The following NOC4L variants were observed in gnomAD, a reference collection of about 807,000 sequenced individuals.
NOC4L encodes the protein nucleolar complex protein 4 homolog.
In NOC4L, 40 loss-of-function variants were observed where a neutral mutation model predicts 62.8. That is an observed-to-expected ratio of 0.64 (90% CI 0.49 to 0.83). NOC4L has a LOEUF of 0.83. Among genes scored for constraint, NOC4L ranks in the 40% least tolerant of loss-of-function variants. The pLI is 0.00. For synonymous variants in NOC4L, 433 were observed against 299.8 expected, an observed-to-expected ratio of 1.44 and a Z score of -4.59; for missense variants, 927 against 701.9, an observed-to-expected ratio of 1.32 and a Z score of -3.62.
chr12:132,147,452 G>C (rs540230658), intron 4 of NOC4L, 64 bp downstream of exon 4: 7 of 1,490,740 alleles, frequency 4.7e-6, no homozygotes, highest in Admixed American at 4.0e-5. Flanking sequence ...GGATGGCCCC[G>C]TAGTGGGGGC....
At chr12:132,147,457 G>T in intron 4 of NOC4L, 69 bp downstream of exon 4, 1 of 1,468,508 alleles carries the variant, frequency 6.8e-7, no homozygotes, top group Non-Finnish European at 9.3e-7. Flanking sequence ...GCCCCGTAGT[G>T]GGGGCGGGGC....
chr12:132,150,910 A>G (rs988790209), intron 9 of NOC4L, 71 bp from the exon 10 acceptor site: 1 of 1,145,790 alleles, frequency 8.7e-7, no homozygotes, highest in Non-Finnish European at 1.3e-6. Flanking sequence ...ACAGACTTAC[A>G]CTCAGTGTGG....
chr12:132,151,186 T>G, intron 10 of NOC4L, 72 bp from the exon 11 acceptor site: 4 of 1,456,986 alleles, frequency 2.7e-6, no homozygotes, highest in Non-Finnish European at 3.8e-6. Context: ...GGGCGCCGAG[T>G]GAGACCCTGG....
chr12:132,145,786 G>C, intron 3 of NOC4L, 121 bp downstream of exon 3: 3 of 654,960 alleles, frequency 4.6e-6, no homozygotes, highest in Admixed American at 2.7e-5. Context: ...CTTCATGGGA[G>C]CATCACCCTG....
At position 132,152,122 on chromosome 12, in the gene NOC4L, C is replaced by T. The variant is rs541204285; in HGVS notation, c.1356C>T (p.Ala452=). 8.7e-5 allele frequency: 141 copies of T among 1,612,376 alleles called. No homozygotes were observed. The South Asian group carries it at 1.4e-3, about 17-fold the overall frequency. The change falls in exon 14 of 15, where the codon GCC becomes GCT. Residue 452 remains alanine (A), a synonymous_variant. Transcript: ENST00000330579. ...ACTACCACCCTGAGGTGTCCAAAGC[C>T]GCCAGCGTCATCAACCAGGCCCTGT... ...QRHYHPEVSK[A]ASVINQALSM...
At chr12:132,148,939 G>T (rs558409781) in intron 9 of NOC4L, 44 bp downstream of exon 9, 7 of 476,140 alleles carry the variant, frequency 1.5e-5, no homozygotes, top group African/African-American at 1.2e-4. Context: ...TAATCCCCTC[G>T]GTGAGTGCCG....
At chr12:132,151,435 G>C in intron 11 of NOC4L, 49 bp from the exon 12 acceptor site, 1 of 1,600,928 alleles carries the variant, frequency 6.2e-7, no homozygotes, top group Non-Finnish European at 8.5e-7. Context: ...GGGGAGGGTG[G>C]TGGGGGCTAG....
At chr12:132,145,277 C>T (rs1449590361) in intron 2 of NOC4L, among the ~76,000 whole-genome samples, 1 of 152,198 alleles carries the variant, frequency 6.6e-6, no homozygotes, top group Non-Finnish European at 1.5e-5. Context: ...TTTATGTCCC[C>T]ATCCTGGGGA....
At chr12:132,151,867 G>C in intron 13 of NOC4L, 47 bp downstream of exon 13, 1 of 1,574,184 alleles carries the variant, frequency 6.4e-7, no homozygotes, top group South Asian at 1.1e-5. Context: ...GCCATCCTTC[G>C]GCCCCTCAGA....
Position 132,148,907 on chromosome 12 carries a change from C to A in NOC4L, c.901+12C>A. The A allele has an allele frequency of 2.4e-6, 3 of 1,252,798 alleles. No homozygotes were observed. The highest frequency in any genetic ancestry group is 3.2e-6 in the Non-Finnish European group (3 of 935,076). 77.6% of individuals were successfully genotyped at this position (1,252,798 alleles called of 1,614,324 possible). On this transcript the variant is annotated intron_variant, in intron 9 of 14. Transcript: ENST00000330579. ...CGCCTGCGACCTCGGTGAGTGCCGC[C>A]GCCTCGCTCACACCACACCCCTAAT...
Position 132,144,572 on chromosome 12 carries a change from C to G in NOC4L, c.84C>G (p.Ala28=), listed in dbSNP as rs765313291. 2.6e-6 allele frequency: 4 copies of G among 1,524,216 alleles called. No individual in the cohort carries two copies. In the South Asian group the frequency reaches 4.8e-5, roughly 18 times the overall value. 94.4% of individuals were successfully genotyped at this position (1,524,216 alleles called of 1,614,324 possible). A position where few individuals can be genotyped will look rare whatever the true frequency, so the allele number is the denominator to read the frequency against. Residue 28 remains alanine, a synonymous_variant, in exon 1 of 15, where the codon GCC becomes GCG. Coordinates refer to ENST00000330579, the MANE Select transcript of NOC4L (RefSeq NM_024078.3). Reference sequence around the variant, plus strand: ...CGGTGCTGGCGAGCCGCAGTGAGGCCAACGCCGTGTTCGACATCCTGGCCG... The same window carrying G: ...CGGTGCTGGCGAGCCGCAGTGAGGCGAACGCCGTGTTCGACATCCTGGCCG... The part of the protein sequence containing the change: ...LEAVLASRSE[A]NAVFDILAVL...
chr12:132,144,474 C>G lies in NOC4L; in HGVS notation c.-15C>G, dbSNP rs1384016748. The G allele has an allele frequency of 6.6e-7, 1 of 1,509,108 alleles. No individual in the cohort carries two copies. The allele number at this position is 1,509,108 out of a possible 1,614,324, so 93.5% of individuals were successfully genotyped here. The stretch of plus-strand genomic sequence containing the variant: ...CGGCGGCTGAGAATCCGCGTTGTTC[C>G]GTGTTGGGGGCGGCATGGAGCGGGA... On this transcript the variant is annotated 5_prime_UTR_variant, in exon 1 of 15. Coordinates refer to ENST00000330579, the MANE Select transcript of NOC4L (RefSeq NM_024078.3).
intron 3 of NOC4L, chr12:132,146,354 G>C (rs539097412): frequency 4.4e-6 from 2 of 455,556 alleles, no homozygotes; most frequent in Admixed American, 4.7e-5. Flanking sequence ...AGCACGTATC[G>C]TTCAGCCGCT....
intron 9 of NOC4L, 147 bp from the exon 10 acceptor site, chr12:132,150,834 T>A: frequency 1.6e-6 from 1 of 620,146 alleles, no homozygotes; most frequent in African/African-American, 1.8e-5. Flanking sequence ...CTGCCCTGCA[T>A]GTGGTCTCCA....
At chr12:132,146,422 G>C (rs1593427084) in intron 3 of NOC4L, 1 of 444,366 alleles carries the variant, frequency 2.3e-6, no homozygotes, top group East Asian at 7.1e-5. Context: ...ACAGCGGACT[G>C]TGAACGTTCG....
intron 3 of NOC4L, 123 bp downstream of exon 3, chr12:132,145,788 A>G (rs2136685814): frequency 4.6e-6 from 3 of 652,680 alleles, no homozygotes; most frequent in Admixed American, 2.7e-5. Context: ...TCATGGGAGC[A>G]TCACCCTGTG....
At position 132,147,755 on chromosome 12, in the gene NOC4L, G is replaced by T. The variant is rs1479333668; in HGVS notation, c.576G>T (p.Val192=). Residue 192 remains valine (V), a synonymous_variant, in exon 5 of 15, where the codon GTG becomes GTT. Transcript: ENST00000330579. Reference sequence around the variant, plus strand: ...CCATGCAGGCAGCCGTGGATGCCGTGGCCCGGGTCACTGGCCAGCACCCCG... The same window carrying T: ...CCATGCAGGCAGCCGTGGATGCCGTTGCCCGGGTCACTGGCCAGCACCCCG... ...YHTMQAAVDA[V]ARVTGQHPEV... 1.2e-6 allele frequency: 2 copies of T among 1,612,774 alleles called. No homozygotes were observed.
rs112315804 is a variant in NOC4L at position 132,146,470 on chromosome 12, A to G, written c.345+805A>G. 450 of 417,194 alleles carry G rather than the reference A, an allele frequency of 1.1e-3. 3 individuals are homozygous for G. Among genetic ancestry groups the G allele is most frequent in the African/African-American group, 8.3e-3 (408 of 49,228 alleles). 25.8% of individuals were successfully genotyped at this position (417,194 alleles called of 1,614,324 possible). A position where few individuals can be genotyped will look rare whatever the true frequency, so the allele number is the denominator to read the frequency against. On this transcript the variant is annotated intron_variant, in intron 3 of 14. Coordinates refer to ENST00000330579, the MANE Select transcript of NOC4L (RefSeq NM_024078.3). ...TGTGTGATGTTTCTTTTGCTTGAAT[A>G]TGCCTTATCAGTGGAATTACAAGGC...
At chr12:132,148,242 C>T in intron 7 of NOC4L, 136 bp downstream of exon 7, 2 of 887,252 alleles carry the variant, frequency 2.3e-6, no homozygotes, top group Non-Finnish European at 3.5e-6. Context: ...TGCACGGCCA[C>T]CAGGTCACTC....
Sources: allele counts gnomAD v4.1 joint callset (sites outside exome capture counted in the v4.1 genomes callset), GRCh38; gene constraint gnomAD v4.1.1; transcripts MANE v1.5; gene names NCBI Gene and HGNC (gene_info 2026-07-23, HGNC 2026-07-21).